Variants in RNF11 observed in about 807,000 individuals in gnomAD.
RNF11 encodes ring finger protein 11.
Under a neutral mutation model 15.8 loss-of-function variants are expected in RNF11, and 4 were observed. That is an observed-to-expected ratio of 0.25 (90% CI 0.12 to 0.58). The LOEUF (loss-of-function observed/expected upper bound fraction) is 0.58, where lower values mean the gene tolerates loss of function less well. Ranked by LOEUF, RNF11 falls within the 20% of genes least tolerant of loss-of-function variation. The probability of loss-of-function intolerance (pLI) is 0.91; values close to 1 mark genes in which losing one functional copy is unlikely to be tolerated. For synonymous variants in RNF11, 68 were observed against 72.3 expected (o/e 0.94, Z 0.30); for missense variants, 139 against 194.4 (o/e 0.71, Z 1.70).
At chr1:51,256,055 T>G (rs1283716882) in intron 1 of RNF11, among the ~76,000 whole-genome samples, 2 of 152,200 alleles carry the variant, frequency 1.3e-5, no homozygotes, top group African/African-American at 4.8e-5. Flanking sequence ...GAACCCACAT[T>G]GAAATATTCA....
chr1:51,269,690 T>A (rs528693424), intron 1 of RNF11, among the ~76,000 whole-genome samples: 221 of 152,340 alleles, frequency 1.5e-3, no homozygotes, highest in African/African-American at 4.7e-3. Context: ...TCTCTTATCA[T>A]GTGGAAATAG....
chr1:51,259,747 T>C (rs1557681233), intron 1 of RNF11, among the ~76,000 whole-genome samples: 1 of 152,230 alleles, frequency 6.6e-6, no homozygotes, highest in Non-Finnish European at 1.5e-5. Context: ...AGCACTTCAG[T>C]GAATTAAAGA....
At chr1:51,260,618 G>A (rs2148072048) in intron 1 of RNF11, among the ~76,000 whole-genome samples, 1 of 152,274 alleles carries the variant, frequency 6.6e-6, no homozygotes, top group Admixed American at 6.5e-5. Flanking sequence ...TAATTATGTA[G>A]GACAATTGTG....
chr1:51,250,915 C>T (rs538209461), intron 1 of RNF11: 57 of 1,090,328 alleles, frequency 5.2e-5, no homozygotes, highest in African/African-American at 4.5e-4. Flanking sequence ...AGTGCAGAGC[C>T]GCAGCGGCCT....
chr1:51,240,170 G>A (rs1220532728), intron 1 of RNF11, among the ~76,000 whole-genome samples: 3 of 152,082 alleles, frequency 2.0e-5, no homozygotes, highest in Admixed American at 6.6e-5. Context: ...TTATAGTGTC[G>A]CATAAACCCT....
chr1:51,241,734 C>T (rs1646830235), intron 1 of RNF11, among the ~76,000 whole-genome samples: 1 of 152,112 alleles, frequency 6.6e-6, no homozygotes, highest in Non-Finnish European at 1.5e-5. Context: ...AAAAATAATA[C>T]AGAGGAAATC....
chr1:51,262,904 G>A (rs1349138232), intron 1 of RNF11, among the ~76,000 whole-genome samples: 2 of 152,046 alleles, frequency 1.3e-5, no homozygotes, highest in African/African-American at 4.8e-5. Flanking sequence ...TTTGCTATCA[G>A]AGAGGGCAAA....
chr1:51,253,250 C>G (rs1339556768), intron 1 of RNF11, among the ~76,000 whole-genome samples: 1 of 151,944 alleles, frequency 6.6e-6, no homozygotes, highest in Non-Finnish European at 1.5e-5. Context: ...TAAGGCCGGG[C>G]ACAGGGGTTC....
intron 1 of RNF11, among the ~76,000 whole-genome samples, chr1:51,257,111 G>GC (rs1351273755): frequency 6.6e-6 from 1 of 152,138 alleles, no homozygotes; most frequent in African/African-American, 2.4e-5. Flanking sequence ...GTTTTAATTT[G>GC]CAGTTCTCAG....
chr1:51,263,180 C>G (rs1646938597), intron 1 of RNF11, among the ~76,000 whole-genome samples: 1 of 151,780 alleles, frequency 6.6e-6, no homozygotes, highest in Non-Finnish European at 1.5e-5. Context: ...GTTTATATAC[C>G]CAATAAAATG....
At chr1:51,240,314 C>G (rs1158936667) in intron 1 of RNF11, among the ~76,000 whole-genome samples, 1 of 152,176 alleles carries the variant, frequency 6.6e-6, no homozygotes. Context: ...GAATACTCTT[C>G]CCCAGATTTC....
rs758085646 is a variant in RNF11, at chr1:51,271,188, C to G, written c.331C>G (p.Pro111Ala). 1 of 1,614,040 alleles carries G rather than the reference C, an allele frequency of 6.2e-7. No homozygotes were observed. The change falls in exon 3 of 3, where the codon CCA becomes GCA. Residue 111 changes from proline to alanine, a missense_variant. By Grantham distance (27) the Pro-to-Ala change is conservative (BLOSUM62 -1). Transcript: ENST00000242719. ...ICMMDFVYGD[P>A]IRFLPCMHIY... ...TATGATGGACTTTGTTTATGGGGACCCAATTCGATTTCTGCCGTGCATGCA... is the reference window on the plus strand; with the variant it reads ...TATGATGGACTTTGTTTATGGGGACGCAATTCGATTTCTGCCGTGCATGCA...
intron 1 of RNF11, among the ~76,000 whole-genome samples, chr1:51,247,409 T>C (rs562041285): frequency 6.6e-6 from 1 of 152,000 alleles, no homozygotes; most frequent in Non-Finnish European, 1.5e-5. Flanking sequence ...GGTTTTCAAT[T>C]AGGTTCCTCA....
In RNF11 at chr1:51,271,281, C is replaced by T; in HGVS notation, c.424C>T (p.Pro142Ser). 2 of 1,614,012 alleles carry T rather than the reference C, an allele frequency of 1.2e-6. No individual in the cohort carries two copies. The highest frequency in any genetic ancestry group is 8.5e-7 in the Non-Finnish European group (1 of 1,179,910). The change falls in exon 3 of 3, where the codon CCA (proline) becomes TCA (serine). Residue 142 changes from proline to serine, a missense_variant. Transcript: ENST00000242719. ...CTTCACGTGCCCCTCCTGCATGGAG[C>T]CAGTTGATGCAGCACTGCTTTCATC... ...RSFTCPSCME[P>S]VDAALLSSYE... is the part of the protein sequence containing the mutation.
chr1:51,257,028 A>G (rs1453238928), intron 1 of RNF11, among the ~76,000 whole-genome samples: 1 of 152,178 alleles, frequency 6.6e-6, no homozygotes, highest in African/African-American at 2.4e-5. Context: ...TTCTGTTACC[A>G]CACATCCTTG....
At chr1:51,254,860 G>A (rs1646897196) in intron 1 of RNF11, among the ~76,000 whole-genome samples, 1 of 152,174 alleles carries the variant, frequency 6.6e-6, no homozygotes. Context: ...GGGATTACAG[G>A]CATGAGCACC....
intron 2 of RNF11, 116 bp from the exon 3 acceptor site, chr1:51,271,035 G>A: frequency 1.2e-6 from 1 of 840,592 alleles, no homozygotes; most frequent in East Asian, 2.5e-5. Flanking sequence ...AAGATGACAG[G>A]CAAAGCATTC....
Position 51,236,841 on chromosome 1 carries a change from G to A in RNF11, c.85G>A (p.Gly29Arg), listed in dbSNP as rs1646805575. The A allele has an allele frequency of 5.0e-6, 8 of 1,612,222 alleles. No homozygotes were observed. Among genetic ancestry groups the A allele is most frequent in the Non-Finnish European group, 6.8e-6 (8 of 1,179,188 alleles). The change falls in exon 1 of 3, where the codon GGG (glycine) becomes AGG (arginine). Residue 29 changes from glycine to arginine, a missense_variant. Physicochemically the swap from Gly to Arg is moderately radical, Grantham distance 125. Coordinates refer to ENST00000242719, the MANE Select transcript of RNF11 (RefSeq NM_014372.5). ...SQSDRASFGE[G>R]TEPDQEPPPP... ...GTCCGACCGGGCTAGCTTTGGCGAG[G>A]GGACGGAGCCGGATCAGGAGCCGCC...
chr1:51,262,143 A>G (rs1311147651), intron 1 of RNF11, among the ~76,000 whole-genome samples: 1 of 151,936 alleles, frequency 6.6e-6, no homozygotes, highest in Non-Finnish European at 1.5e-5. Context: ...GGCATGTACC[A>G]CCACTCCTGG....
Sources: allele counts gnomAD v4.1 joint callset (sites outside exome capture counted in the v4.1 genomes callset), GRCh38; gene constraint gnomAD v4.1.1; transcripts MANE v1.5; gene names NCBI Gene and HGNC (gene_info 2026-07-23, HGNC 2026-07-21).